PCLO: variants seen among roughly 807,000 people sequenced by gnomAD.
PCLO encodes the protein piccolo presynaptic cytomatrix protein.
A neutral mutation model predicts 427.5 loss-of-function variants in PCLO; 82 were observed. That is an observed-to-expected ratio of 0.19 (90% CI 0.16 to 0.23). The LOEUF (loss-of-function observed/expected upper bound fraction) is 0.23. PCLO is among the 10% of genes least tolerant of loss of function. PCLO has a pLI of 1.00. For missense variants in PCLO, 6,239 were observed against 6,115.9 expected (o/e 1.02, Z -0.67); for synonymous variants, 2,357 against 2,155.4 (o/e 1.09, Z -2.59).
intron 9 of PCLO, among the ~76,000 whole-genome samples, chr7:82,888,622 CTT>C (rs1793683437): frequency 6.6e-6 from 1 of 152,078 alleles, no homozygotes; most frequent in African/African-American, 2.4e-5. Context: ...AAAAAAAAGA[CTT>C]AATAAACGAA....
At chr7:83,015,198 T>C (rs1788175561) in intron 3 of PCLO, among the ~76,000 whole-genome samples, 1 of 152,178 alleles carries the variant, frequency 6.6e-6, no homozygotes, top group East Asian at 1.9e-4. Context: ...AACATATTAC[T>C]TGATATTTAT....
intron 3 of PCLO, among the ~76,000 whole-genome samples, chr7:83,105,517 AC>A (rs1790832022): frequency 6.6e-6 from 1 of 151,574 alleles, no homozygotes; most frequent in Non-Finnish European, 1.5e-5. Context: ...AAACAAAAAA[AC>A]AATAAAATAC....
chr7:83,154,859 G>A lies in PCLO; in HGVS notation c.1782C>T (p.Thr594=). Residue 594 remains threonine, a synonymous_variant, in exon 2 of 25, where the codon ACC becomes ACT. Transcript: ENST00000333891. ...LPKTICPLCN[T]TELLLHVPEK... Reference sequence around the variant, plus strand: ...CTGGAACATGCAACAGAAGTTCAGTGGTATTGCAAAGAGGACAGATGGTTT... The same window carrying A: ...CTGGAACATGCAACAGAAGTTCAGTAGTATTGCAAAGAGGACAGATGGTTT... 1 of 1,613,922 alleles carries A rather than the reference G, an allele frequency of 6.2e-7. No homozygotes were observed. The highest frequency in any genetic ancestry group is 8.5e-7 in the Non-Finnish European group (1 of 1,179,830).
chr7:82,997,819 T>A (rs2115886615), intron 3 of PCLO, among the ~76,000 whole-genome samples: 1 of 152,204 alleles, frequency 6.6e-6, no homozygotes, highest in South Asian at 2.1e-4. Context: ...GTTGGATTCA[T>A]GTATATTTTT....
chr7:83,118,283 A>G (rs553951166), intron 3 of PCLO, among the ~76,000 whole-genome samples: 2 of 152,336 alleles, frequency 1.3e-5, no homozygotes, highest in African/African-American at 4.8e-5. Context: ...ACAGGAAGGC[A>G]GAGCAAAATG....
chr7:83,127,161 T>C (rs1160789226), intron 3 of PCLO, among the ~76,000 whole-genome samples: 4 of 152,086 alleles, frequency 2.6e-5, no homozygotes, highest in Non-Finnish European at 1.5e-5. Flanking sequence ...CTGTGAGATA[T>C]TGTACATCTA....
At chr7:82,762,792 C>T (rs374918424) in intron 22 of PCLO, among the ~76,000 whole-genome samples, 1 of 151,914 alleles carries the variant, frequency 6.6e-6, no homozygotes, top group Non-Finnish European at 1.5e-5. Flanking sequence ...TTCTTTCGCT[C>T]TCTTTCATTT....
At chr7:83,157,745 CATATT>C (rs1425789975) in intron 1 of PCLO, among the ~76,000 whole-genome samples, 9 of 151,660 alleles carry the variant, frequency 5.9e-5, no homozygotes, top group Admixed American at 3.3e-4. Flanking sequence ...TGGAGAAAAT[CATATT>C]ATAAGTATTT....
In PCLO at chr7:82,955,050, G is replaced by C; in HGVS notation, c.5903C>G (p.Ser1968Trp). The C allele has an allele frequency of 6.2e-7, 1 of 1,613,616 alleles. No individual in the cohort carries two copies. Among genetic ancestry groups the C allele is most frequent in the Non-Finnish European group, 8.5e-7 (1 of 1,179,844 alleles). Residue 1968 changes from serine to tryptophan, a missense_variant, in exon 5 of 25, where the codon TCG becomes TGG. Transcript: ENST00000333891. ...ESLVEDTYNG[S>W]VDGSLLTRQE... Reference sequence around the variant, plus strand: ...CCTTGTTAGCAGACTGCCATCTACCGATCCATTGTACGTGTCTTCTACTAA... The same window carrying C: ...CCTTGTTAGCAGACTGCCATCTACCCATCCATTGTACGTGTCTTCTACTAA...
chr7:82,775,852 A>C (rs1383147007), intron 22 of PCLO, among the ~76,000 whole-genome samples: 1 of 152,142 alleles, frequency 6.6e-6, no homozygotes, highest in Non-Finnish European at 1.5e-5. Context: ...AAAGTCTATA[A>C]TTCATTTTAT....
chr7:82,981,578 T>C (rs529989317), intron 3 of PCLO, among the ~76,000 whole-genome samples: 1 of 152,226 alleles, frequency 6.6e-6, no homozygotes, highest in Non-Finnish European at 1.5e-5. Flanking sequence ...CTCTAAAAAT[T>C]AATATTTCTT....
At chr7:83,038,015 A>ATATATATATATATATTTATATATT (rs1788848072) in intron 3 of PCLO, among the ~76,000 whole-genome samples, 14 of 47,916 alleles carry the variant, frequency 2.9e-4, no homozygotes, top group Non-Finnish European at 3.9e-4. Flanking sequence ...ATATATATAT[A>ATATATATATATATATTTATATATT]TATATATATA....
chr7:82,858,413 C>T (rs1377123620), intron 10 of PCLO, among the ~76,000 whole-genome samples: 1 of 152,016 alleles, frequency 6.6e-6, no homozygotes, highest in Non-Finnish European at 1.5e-5. Context: ...GGTATCCATT[C>T]TCACTAATTC....
chr7:83,136,539 A>T (rs1029054762), intron 2 of PCLO, among the ~76,000 whole-genome samples: 10 of 152,174 alleles, frequency 6.6e-5, no homozygotes, highest in African/African-American at 1.9e-4. Flanking sequence ...CAAATATTTT[A>T]AAATACAAAT....
intron 2 of PCLO, among the ~76,000 whole-genome samples, chr7:83,153,844 G>T (rs1792199416): frequency 6.6e-6 from 1 of 151,538 alleles, no homozygotes. Flanking sequence ...ATTTCTTAAT[G>T]CCAGAGAATT....
At chr7:82,797,069 T>A (rs537578761) in intron 22 of PCLO, among the ~76,000 whole-genome samples, 54 of 152,196 alleles carry the variant, frequency 3.5e-4, no homozygotes, top group African/African-American at 1.3e-3. Flanking sequence ...CATAATGGTT[T>A]CATATTTTCT....
intron 6 of PCLO, among the ~76,000 whole-genome samples, chr7:82,943,212 C>T (rs1189347488): frequency 1.3e-5 from 2 of 152,124 alleles, no homozygotes; most frequent in South Asian, 2.1e-4. Flanking sequence ...ATCTGCTTTG[C>T]AATAGGATCC....
At chr7:82,895,813 T>C (rs1284712736) in intron 9 of PCLO, among the ~76,000 whole-genome samples, 3 of 151,914 alleles carry the variant, frequency 2.0e-5, no homozygotes, top group Non-Finnish European at 4.4e-5. Context: ...ATTGAATTAG[T>C]AACTGGATGT....
chr7:83,095,532 A>G (rs572924922), intron 3 of PCLO, among the ~76,000 whole-genome samples: 2 of 151,674 alleles, frequency 1.3e-5, no homozygotes, highest in South Asian at 4.2e-4. Flanking sequence ...TATTAATCTG[A>G]GACGTTTTCT....
Sources: gnomAD v4.1 joint callset for allele counts (sites outside exome capture counted in the v4.1 genomes callset) on GRCh38, gnomAD v4.1.1 for gene constraint, MANE v1.5 for transcripts, NCBI Gene and HGNC (gene_info 2026-07-23, HGNC 2026-07-21) for gene names.